LRP5: variants seen among roughly 807,000 people sequenced by gnomAD.
The protein encoded by LRP5 is LDL receptor related protein 5.
Under a neutral mutation model 154.1 loss-of-function variants are expected in LRP5, and 62 were observed. The observed-to-expected ratio is 0.40, with a 90% CI of 0.33 to 0.50. LRP5 has a LOEUF of 0.50. LRP5 is among the 20% of genes least tolerant of loss of function. LRP5 has a pLI of 0.55. For missense variants in LRP5, 1,915 were observed against 2,336.7 expected (o/e 0.82, Z 3.72); for synonymous variants, 966 against 1,011.5 (o/e 0.96, Z 0.85).
At chr11:68,303,068 C>A in the LRP5 span, among the ~76,000 whole-genome samples, 1 of 152,196 alleles carries the variant, frequency 6.6e-6, no homozygotes, top group Non-Finnish European at 1.5e-5. Flanking sequence ...AGAGAAGGAG[C>A]TGGCCTGGCC....
rs1053698105 is a variant in LRP5 at position 68,386,194 on chromosome 11, G to A, written c.1016-122G>A. 1.6e-6 allele frequency: 2 copies of A among 1,231,754 alleles called. No individual in the cohort carries two copies. The highest frequency in any genetic ancestry group is 3.0e-5 in the African/African-American group (2 of 67,442). 76.3% of individuals were successfully genotyped at this position (1,231,754 alleles called of 1,614,324 possible). ...GGGTGCGTGTCACCTAACATCACCA[G>A]CCTTTGCAAGGAGAGCCCTGGGGGC... On this transcript the variant is annotated intron_variant, in intron 5 of 22. Transcript: ENST00000294304. The surrounding 1 kb of genome is among the most constrained non-coding windows in gnomAD (Gnocchi z 7.9).
chr11:68,322,528 C>G (rs1591173106), intron 1 of LRP5, among the ~76,000 whole-genome samples: 2 of 152,376 alleles, frequency 1.3e-5, no homozygotes, highest in African/African-American at 4.8e-5. Flanking sequence ...GCAGACCTGC[C>G]CATCTTCTGC....
chr11:68,404,428 G>A lies in LRP5; in HGVS notation c.1801+729G>A, dbSNP rs189483249. The A allele has an allele frequency of 3.8e-4, 193 of 503,732 alleles. 1 individual carries two copies. The highest frequency in any genetic ancestry group is 3.1e-3 in the African/African-American group (160 of 52,118). The allele number at this position is 503,732 out of a possible 1,614,324, so 31.2% of individuals were successfully genotyped here. On this transcript the variant is annotated intron_variant, in intron 8 of 22. Transcript: ENST00000294304. ...GCCTGCAGTCCTGGGTGAGATGCCC[G>A]GGTTGACTCTGCTGCCCGTCGGGTG...
rs531330508 is a variant in LRP5, at chr11:68,351,906, C to T, written c.488+3663C>T. Among the ~76,000 whole-genome samples, 9 of 152,136 alleles carry T rather than the reference C, an allele frequency of 5.9e-5. No homozygotes were observed. The East Asian group carries it at 1.5e-3, about 26-fold the overall frequency. On this transcript the variant is annotated intron_variant, in intron 2 of 22. Coordinates refer to ENST00000294304, the MANE Select transcript of LRP5 (RefSeq NM_002335.4). ...GAACCGTGTGGCTGTCTGGGGGCAG[C>T]GCGGTCCAGGCAGAGGGATCAGCCA...
intron 6 of LRP5, among the ~76,000 whole-genome samples, chr11:68,388,909 TACTG>T (rs1468635242): frequency 6.6e-6 from 1 of 152,158 alleles, no homozygotes; most frequent in Non-Finnish European, 1.5e-5. Context: ...CTCCAGCACT[TACTG>T]ACACCAGCAT....
chr11:68,418,629 C>CAGA (rs1330277336), intron 13 of LRP5, among the ~76,000 whole-genome samples: 2 of 152,196 alleles, frequency 1.3e-5, no homozygotes, highest in Non-Finnish European at 2.9e-5. Context: ...TCCACCAGAT[C>CAGA]CTTCCTCCCG....
intron 1 of LRP5, among the ~76,000 whole-genome samples, chr11:68,315,661 G>A (rs566525437): frequency 3.7e-4 from 57 of 152,248 alleles, no homozygotes; most frequent in Non-Finnish European, 7.1e-4. Flanking sequence ...GGTTGAGTGC[G>A]ATAGAATGGC....
intron 1 of LRP5, among the ~76,000 whole-genome samples, chr11:68,323,587 A>T (rs1201086143): frequency 6.6e-6 from 1 of 151,932 alleles, no homozygotes; most frequent in East Asian, 1.9e-4. Flanking sequence ...GTAATTTTTT[A>T]AAACACTTTT....
the LRP5 span, among the ~76,000 whole-genome samples, chr11:68,300,925 ATT>A: frequency 1.4e-5 from 2 of 145,930 alleles, no homozygotes; most frequent in African/African-American, 2.5e-5. Flanking sequence ...TCATTAATTT[ATT>A]TTTTTTTTAT....
At chr11:68,429,722 CT>C (rs1289782369) in intron 17 of LRP5, 22 bp downstream of exon 17, 1 of 1,613,878 alleles carries the variant, frequency 6.2e-7, no homozygotes, top group Admixed American at 1.7e-5. Flanking sequence ...CTAGGTGCTC[CT>C]TTGGGGTGAT....
At chr11:68,358,779 A>C (rs1591220996) in intron 3 of LRP5, among the ~76,000 whole-genome samples, 1 of 152,202 alleles carries the variant, frequency 6.6e-6, no homozygotes, top group Admixed American at 6.5e-5. Context: ...TTATAGAAAC[A>C]TCCCTTCTGT....
intron 7 of LRP5, among the ~76,000 whole-genome samples, chr11:68,395,356 G>A (rs1231067467): frequency 2.6e-5 from 4 of 151,528 alleles, no homozygotes; most frequent in East Asian, 3.9e-4. Flanking sequence ...GTGGGGGGGC[G>A]TCACAGTAGC....
rs890616599 is a variant in LRP5, at chr11:68,342,643, G to A, written c.92-5204G>A. The stretch of plus-strand genomic sequence containing the variant: ...TTCTAAGTGCCTTAGAAGCCGGAGC[G>A]GCTCCTGGAAAGAGCCTGCCTGCCA... On this transcript the variant is annotated intron_variant, in intron 1 of 22. Coordinates refer to ENST00000294304, the MANE Select transcript of LRP5 (RefSeq NM_002335.4). Among the ~76,000 whole-genome samples the A allele has an allele frequency of 1.1e-4, 16 of 152,152 alleles. 1 individual carries two copies. Among genetic ancestry groups the A allele is most frequent in the Admixed American group, 6.5e-5 (1 of 15,284 alleles).
At chr11:68,367,671 T>C (rs545568030) in intron 5 of LRP5, among the ~76,000 whole-genome samples, 1 of 151,836 alleles carries the variant, frequency 6.6e-6, no homozygotes, top group East Asian at 1.9e-4. Flanking sequence ...AGGGAAAGAG[T>C]GAGGACATAC....
At chr11:68,418,632 T>G (rs192264687) in intron 13 of LRP5, among the ~76,000 whole-genome samples, 1 of 152,284 alleles carries the variant, frequency 6.6e-6, no homozygotes, top group Admixed American at 6.5e-5. Flanking sequence ...ACCAGATCCT[T>G]CCTCCCGCAG....
rs2098682812 is a variant in LRP5 at position 68,448,791 on chromosome 11, T to C, written c.4587-18T>C. ...ATGTGCCTACCGAATCCCACTCCTC[T>C]GTGTGTGTCCCTTTCAGGCCCTACA... is the stretch of plus-strand genomic sequence containing the variant. On this transcript the variant is annotated intron_variant, in intron 22 of 22. Transcript: ENST00000294304. 5 of 1,602,070 alleles carry C rather than the reference T, an allele frequency of 3.1e-6. No individual in the cohort carries two copies. The highest frequency in any genetic ancestry group is 1.3e-5 in the African/African-American group (1 of 74,924).
At chr11:68,420,429 C>T (rs895464287) in intron 13 of LRP5, among the ~76,000 whole-genome samples, 6 of 152,174 alleles carry the variant, frequency 3.9e-5, no homozygotes, top group Admixed American at 6.5e-5. Context: ...AAAGGCTGGG[C>T]GCGGTGGCTC....
intron 1 of LRP5, among the ~76,000 whole-genome samples, chr11:68,327,808 T>C (rs73496718): frequency 0.034 from 5,159 of 152,212 alleles, 269 homozygotes; most frequent in African/African-American, 0.11. Flanking sequence ...ATGTGTTTCG[T>C]CCTGTGCACC....
At chr11:68,448,171 T>G (rs1355459268) in intron 22 of LRP5, among the ~76,000 whole-genome samples, 1 of 152,020 alleles carries the variant, frequency 6.6e-6, no homozygotes, top group African/African-American at 2.4e-5. Context: ...AACCATCAAG[T>G]CTAGTGAGAT....
Sources: allele counts gnomAD v4.1 joint callset (sites outside exome capture counted in the v4.1 genomes callset), GRCh38; gene constraint gnomAD v4.1.1; non-coding constraint Gnocchi (gnomAD v3.1); transcripts MANE v1.5; gene names NCBI Gene and HGNC (gene_info 2026-07-23, HGNC 2026-07-21).